GRIN2D: variants seen among roughly 807,000 people sequenced by gnomAD.
GRIN2D encodes glutamate receptor ionotropic, NMDA 2D.
Under a neutral mutation model 103.2 loss-of-function variants are expected in GRIN2D, and 37 were observed. That is an observed-to-expected ratio of 0.36 (90% CI 0.28 to 0.47). GRIN2D has a LOEUF of 0.47. GRIN2D is among the 20% of genes least tolerant of loss of function. GRIN2D has a pLI of 1.00. For missense variants in GRIN2D, 1,557 were observed against 1,910.6 expected (o/e 0.81, Z 3.45); for synonymous variants, 845 against 885.6 (o/e 0.95, Z 0.81).
chr19:48,422,050 G>C, intron 11 of GRIN2D, 105 bp downstream of exon 11: 5 of 1,160,604 alleles, frequency 4.3e-6, no homozygotes, highest in Non-Finnish European at 6.1e-6. Flanking sequence ...CCAGAGGTCA[G>C]CCCTGGGTGG....
chr19:48,407,535 C>A (rs1255326681), intron 4 of GRIN2D, among the ~76,000 whole-genome samples: 1 of 152,146 alleles, frequency 6.6e-6, no homozygotes, highest in African/African-American at 2.4e-5. Context: ...AGTCACAAGT[C>A]AGCCTGTGGA....
In GRIN2D at chr19:48,405,685, C is replaced by T. The variant is rs1484725865; in HGVS notation, c.1085+332C>T. 6.6e-6 allele frequency among the ~76,000 whole-genome samples: 1 copy of T among 152,158 alleles called. No homozygotes were observed. The highest frequency in any genetic ancestry group is 1.5e-5 in the Non-Finnish European group (1 of 68,034). On this transcript the variant is annotated intron_variant, in intron 4 of 13. Coordinates refer to ENST00000263269, the MANE Select transcript of GRIN2D (RefSeq NM_000836.4). This position sits in a 1 kb window ranked among gnomAD's most constrained non-coding sequence, Gnocchi z 5.1. ...ACTTTTGTCTTTCTTTGTGGTACAT[C>T]TTATAATTGAGAGCATTTTAGATTT...
At position 48,398,458 on chromosome 19, in the gene GRIN2D, G is replaced by A; in HGVS notation, c.66G>A (p.Leu22=). The A allele has an allele frequency of 9.3e-7, 1 of 1,080,040 alleles. No individual in the cohort carries two copies. The highest frequency in any genetic ancestry group is 1.1e-6 in the Non-Finnish European group (1 of 891,878). 66.9% of individuals were successfully genotyped at this position (1,080,040 alleles called of 1,614,324 possible). A position where few individuals can be genotyped will look rare whatever the true frequency, so the allele number is the denominator to read the frequency against. ...GPAKMLLLLA[L]ACASPFPEEA... ...CTAAGATGCTGCTGCTGCTGGCGCT[G>A]GCCTGCGCCAGCCCGTTCCCGGAGG... The change falls in exon 3 of 14, where the codon CTG becomes CTA. Residue 22 remains leucine, a synonymous_variant. Transcript: ENST00000263269.
At chr19:48,426,220 C>CTTTCTTTTTTTTTTTTTTTTTTTT (rs1971083611) in intron 11 of GRIN2D, among the ~76,000 whole-genome samples, 1 of 127,108 alleles carries the variant, frequency 7.9e-6, no homozygotes, top group Non-Finnish European at 1.6e-5. Context: ...TTCTTTCTTT[C>CTTTCTTTTTTTTTTTTTTTTTTTT]TTTCTTTTTT....
At chr19:48,418,128 G>C (rs1378035706) in intron 8 of GRIN2D, among the ~76,000 whole-genome samples, 1 of 151,440 alleles carries the variant, frequency 6.6e-6, no homozygotes, top group African/African-American at 2.4e-5. Flanking sequence ...CCACCTCCTG[G>C]GTTCAAGCAA....
intron 11 of GRIN2D, among the ~76,000 whole-genome samples, chr19:48,425,366 C>T (rs1040560912): frequency 6.6e-6 from 1 of 152,150 alleles, no homozygotes; most frequent in African/African-American, 2.4e-5. Flanking sequence ...CTCAGCCTCC[C>T]GAGTATTTGG....
At chr19:48,403,714 A>G (rs1240146844) in intron 3 of GRIN2D, among the ~76,000 whole-genome samples, 1 of 152,230 alleles carries the variant, frequency 6.6e-6, no homozygotes, top group African/African-American at 2.4e-5. Context: ...AAGAAGGGAA[A>G]GGACACTCTG....
At chr19:48,400,840 C>G (rs1600969016) in intron 3 of GRIN2D, among the ~76,000 whole-genome samples, 1 of 152,050 alleles carries the variant, frequency 6.6e-6, no homozygotes, top group South Asian at 2.1e-4. Flanking sequence ...CCGAGGCGGG[C>G]AGATCACCTG....
intron 11 of GRIN2D, among the ~76,000 whole-genome samples, chr19:48,433,120 C>A (rs1971179129): frequency 6.8e-6 from 1 of 147,032 alleles, no homozygotes; most frequent in Non-Finnish European, 1.5e-5. Context: ...GTAATCCCAG[C>A]ACTTTGGGAG....
At chr19:48,411,997 A>G (rs1970867643) in intron 4 of GRIN2D, among the ~76,000 whole-genome samples, 1 of 151,676 alleles carries the variant, frequency 6.6e-6, no homozygotes. Context: ...GTTCAAGACC[A>G]GCCTGGGAAA....
intron 11 of GRIN2D, among the ~76,000 whole-genome samples, chr19:48,428,027 G>A (rs1319197865): frequency 6.8e-6 from 1 of 147,778 alleles, no homozygotes. Context: ...CTCTGTTTGT[G>A]TCTCTGTGGC....
At chr19:48,402,193 G>A (rs371692031) in intron 3 of GRIN2D, among the ~76,000 whole-genome samples, 1 of 150,358 alleles carries the variant, frequency 6.7e-6, no homozygotes, top group East Asian at 2.0e-4. Flanking sequence ...AGAGATGGGT[G>A]GGAAAGTTGT....
intron 3 of GRIN2D, among the ~76,000 whole-genome samples, chr19:48,402,106 G>T (rs1970717004): frequency 7.8e-6 from 1 of 128,878 alleles, no homozygotes; most frequent in South Asian, 2.4e-4. Flanking sequence ...AAGAAAGAGA[G>T]AAAGAGAAGG....
At chr19:48,429,637 A>G (rs1971132331) in intron 11 of GRIN2D, among the ~76,000 whole-genome samples, 1 of 151,878 alleles carries the variant, frequency 6.6e-6, no homozygotes, top group Admixed American at 6.6e-5. Context: ...TGACCTAGGT[A>G]ATCTGCCCAC....
intron 11 of GRIN2D, among the ~76,000 whole-genome samples, chr19:48,437,455 G>T (rs1345559118): frequency 6.6e-6 from 1 of 152,172 alleles, no homozygotes; most frequent in Non-Finnish European, 1.5e-5. Flanking sequence ...GGACCATGAA[G>T]GGGTGGTGGA....
chr19:48,396,710 G>C (rs1219685026), intron 2 of GRIN2D, among the ~76,000 whole-genome samples: 2 of 151,936 alleles, frequency 1.3e-5, no homozygotes, highest in Non-Finnish European at 2.9e-5. Context: ...CTCTGGGAAG[G>C]TGAGGTGGTG....
chr19:48,440,405 C>G (rs149238519), intron 11 of GRIN2D, among the ~76,000 whole-genome samples: 3 of 152,004 alleles, frequency 2.0e-5, no homozygotes, highest in African/African-American at 7.2e-5. Flanking sequence ...CCAGCCTGGG[C>G]AACATGGAAA....
intron 4 of GRIN2D, among the ~76,000 whole-genome samples, chr19:48,407,734 G>T (rs1970808896): frequency 6.6e-6 from 1 of 152,208 alleles, no homozygotes; most frequent in East Asian, 1.9e-4. Flanking sequence ...TGATAAAAGA[G>T]AAATGCAATG....
intron 2 of GRIN2D, among the ~76,000 whole-genome samples, chr19:48,395,273 C>T (rs1368699514): frequency 6.6e-6 from 1 of 151,578 alleles, no homozygotes; most frequent in Non-Finnish European, 1.5e-5. Context: ...CCCCTCCCTG[C>T]ATCAGTCCCC....
Sources: allele counts gnomAD v4.1 joint callset (sites outside exome capture counted in the v4.1 genomes callset), GRCh38; gene constraint gnomAD v4.1.1; non-coding constraint Gnocchi (gnomAD v3.1); transcripts MANE v1.5; gene names NCBI Gene and HGNC (gene_info 2026-07-23, HGNC 2026-07-21).